Variants in DLG1 observed in about 807,000 individuals in gnomAD.
DLG1 encodes disks large homolog 1.
A neutral mutation model predicts 123.4 loss-of-function variants in DLG1; 42 were observed. The observed-to-expected ratio is 0.34, with a 90% CI of 0.27 to 0.44. The LOEUF (loss-of-function observed/expected upper bound fraction) is 0.44, where lower values mean the gene tolerates loss of function less well. Ranked by LOEUF, DLG1 falls within the 20% of genes least tolerant of loss-of-function variation. The probability of loss-of-function intolerance (pLI) is 1.00; values close to 1 mark genes in which losing one functional copy is unlikely to be tolerated. For synonymous variants in DLG1, 317 were observed against 356.2 expected (o/e 0.89, Z 1.24); for missense variants, 942 against 1,082.6 (o/e 0.87, Z 1.82).
chr3:197,231,792 TA>T (rs1320875907), intron 4 of DLG1, among the ~76,000 whole-genome samples: 3 of 151,968 alleles, frequency 2.0e-5, no homozygotes, highest in African/African-American at 7.3e-5. Context: ...GAATGAAAAT[TA>T]AAATTAATGT....
chr3:197,178,693 AG>A (rs1276401773), intron 5 of DLG1, among the ~76,000 whole-genome samples: 1 of 152,178 alleles, frequency 6.6e-6, no homozygotes, highest in African/African-American at 2.4e-5. Flanking sequence ...TGAGGCTGGT[AG>A]AATATTAAAA....
chr3:197,271,841 G>A (rs1157589169), intron 4 of DLG1, among the ~76,000 whole-genome samples: 1 of 152,116 alleles, frequency 6.6e-6, no homozygotes, highest in Non-Finnish European at 1.5e-5. Context: ...TTTTCAAATA[G>A]TTCCAAAAAA....
intron 16 of DLG1, among the ~76,000 whole-genome samples, chr3:197,082,917 T>C (rs546516435): frequency 6.6e-6 from 1 of 152,338 alleles, no homozygotes; most frequent in South Asian, 2.1e-4. Context: ...TTATTGGGTG[T>C]AGGCACAGAA....
At chr3:197,297,377 C>T in intron 1 of DLG1, 142 bp from the exon 2 acceptor site, 1 of 1,453,114 alleles carries the variant, frequency 6.9e-7, no homozygotes. Flanking sequence ...AGTCTCAAAA[C>T]GCAGCAGTTG....
intron 11 of DLG1, among the ~76,000 whole-genome samples, chr3:197,120,556 GTAT>G (rs1307694840): frequency 6.6e-6 from 1 of 152,148 alleles, no homozygotes; most frequent in Non-Finnish European, 1.5e-5. Context: ...AAAAGTAGCT[GTAT>G]TATTTAATTA....
chr3:197,289,369 A>ACACAC (rs1560175311), intron 3 of DLG1, among the ~76,000 whole-genome samples: 86 of 98,378 alleles, frequency 8.7e-4, no homozygotes, highest in African/African-American at 2.9e-3. Context: ...CACACACACA[A>ACACAC]ATAACATTCC....
At chr3:197,130,111 T>C (rs1781751258) in intron 11 of DLG1, among the ~76,000 whole-genome samples, 1 of 152,166 alleles carries the variant, frequency 6.6e-6, no homozygotes, top group African/African-American at 2.4e-5. Context: ...AAATGTAGTC[T>C]CTGTGAAGTG....
intron 4 of DLG1, among the ~76,000 whole-genome samples, chr3:197,233,211 AGTAATAAAT>A (rs1466128665): frequency 5.9e-5 from 9 of 152,352 alleles, no homozygotes; most frequent in African/African-American, 2.2e-4. Flanking sequence ...TAAAAAATTT[AGTAATAAAT>A]GTAATAAAAG....
chr3:197,198,572 C>T (rs1035761760), intron 4 of DLG1, among the ~76,000 whole-genome samples: 3 of 150,700 alleles, frequency 2.0e-5, no homozygotes, highest in Non-Finnish European at 3.0e-5. Flanking sequence ...GTCCAGAATA[C>T]ATCTTATAGC....
Position 197,283,893 on chromosome 3 carries a change from G to A in DLG1, c.152-1048C>T, listed in dbSNP as rs530180255. 6.3e-5 allele frequency among the ~76,000 whole-genome samples: 8 copies of A among 127,778 alleles called. No individual in the cohort carries two copies. In the East Asian group the frequency reaches 7.1e-4, roughly 11 times the overall value. The allele number at this position is 127,778 out of a possible 152,430, so 83.8% of individuals were successfully genotyped here. A position where few individuals can be genotyped will look rare whatever the true frequency, so the allele number is the denominator to read the frequency against. ...TTTTTTTTTTTTGAGACAGAGTCTC[G>A]CTCTGTCGCCCAGGCTGGAGTGCAG... is the stretch of plus-strand genomic sequence containing the variant. On this transcript the variant is annotated intron_variant, in intron 3 of 24. Coordinates refer to ENST00000667157, the MANE Select transcript of DLG1 (RefSeq NM_001366207.1).
At chr3:197,047,342 T>G (rs146548372) in intron 24 of DLG1, among the ~76,000 whole-genome samples, 80 of 152,098 alleles carry the variant, frequency 5.3e-4, no homozygotes, top group African/African-American at 1.7e-3. Context: ...CTTGAGGAAT[T>G]TGGGTGAAGG....
chr3:197,065,575 T>C (rs1738940999), intron 21 of DLG1, 127 bp from the exon 22 acceptor site: 3 of 1,019,886 alleles, frequency 2.9e-6, no homozygotes, highest in South Asian at 3.2e-5. Flanking sequence ...GAAAGGACAA[T>C]AATATGGAGG....
At chr3:197,245,992 T>A (rs1751553166) in intron 4 of DLG1, among the ~76,000 whole-genome samples, 1 of 151,490 alleles carries the variant, frequency 6.6e-6, no homozygotes, top group African/African-American at 2.4e-5. Flanking sequence ...CTGATGAGAC[T>A]TCGTTTAGTC....
At chr3:197,244,938 C>G (rs1191313392) in intron 4 of DLG1, among the ~76,000 whole-genome samples, 2 of 152,130 alleles carry the variant, frequency 1.3e-5, no homozygotes, top group Non-Finnish European at 2.9e-5. Context: ...CTTTTAGTTT[C>G]AAACGTAGGA....
In DLG1 at chr3:197,242,921, C is replaced by G. The variant is rs565721482; in HGVS notation, c.318+39758G>C. 8.5e-5 allele frequency among the ~76,000 whole-genome samples: 13 copies of G among 152,184 alleles called. No individual in the cohort carries two copies. In the East Asian group the frequency reaches 2.5e-3, roughly 29 times the overall value. On this transcript the variant is annotated intron_variant, in intron 4 of 24. Coordinates refer to ENST00000667157, the MANE Select transcript of DLG1 (RefSeq NM_001366207.1). ...TTCAAGATCCTGCAGTCTGGACATG[C>G]CTGTAGTCCCAGCTGCTTGAAGAAT...
At chr3:197,152,572 C>T (rs1029698537) in intron 5 of DLG1, among the ~76,000 whole-genome samples, 9 of 151,356 alleles carry the variant, frequency 5.9e-5, no homozygotes, top group African/African-American at 1.7e-4. Context: ...GTCAGGAGAT[C>T]GAGACCATCC....
At chr3:197,196,497 T>G (rs1331693000) in intron 4 of DLG1, among the ~76,000 whole-genome samples, 2 of 152,184 alleles carry the variant, frequency 1.3e-5, no homozygotes, top group African/African-American at 4.8e-5. Context: ...ATCTAAGTAC[T>G]CTCAGGAGTA....
rs563990308 is a variant in DLG1 at position 197,185,352 on chromosome 3, G to A, written c.483+9073C>T. ...CATGCTAATGCTGTCTCTATGATGCGTCTGCTGAGAAGTGAACATGTGCTC... is the reference window on the plus strand; with the variant it reads ...CATGCTAATGCTGTCTCTATGATGCATCTGCTGAGAAGTGAACATGTGCTC... On this transcript the variant is annotated intron_variant, in intron 5 of 24. Transcript: ENST00000667157. 2.6e-5 allele frequency among the ~76,000 whole-genome samples: 4 copies of A among 152,234 alleles called. No individual in the cohort carries two copies. In the South Asian group the frequency reaches 8.3e-4, roughly 32 times the overall value.
rs1579276062 is a variant in DLG1, at chr3:197,104,929, G to T, written c.1520C>A (p.Thr507Lys). 2 of 1,613,272 alleles carry T rather than the reference G, an allele frequency of 1.2e-6. No individual in the cohort carries two copies. Among genetic ancestry groups the T allele is most frequent in the African/African-American group, 1.3e-5 (1 of 75,026 alleles). ...AALKNAGQAV[T>K]IVAQYRPEEY... is the part of the protein sequence containing the mutation. Reference sequence around the variant, plus strand: ...TTCAGGTCGATATTGTGCAACAATTGTGACAGCCTGGCCAGCATTTTTCAA... The same window carrying T: ...TTCAGGTCGATATTGTGCAACAATTTTGACAGCCTGGCCAGCATTTTTCAA... The change falls in exon 14 of 25, where the codon ACA becomes AAA. Residue 507 changes from threonine (T) to lysine (K), a missense_variant. Transcript: ENST00000667157.
Sources: allele counts gnomAD v4.1 joint callset (sites outside exome capture counted in the v4.1 genomes callset), GRCh38; gene constraint gnomAD v4.1.1; transcripts MANE v1.5; gene names NCBI Gene and HGNC (gene_info 2026-07-23, HGNC 2026-07-21).